Variants in TAS2R1 observed in about 807,000 individuals in gnomAD.
TAS2R1 encodes the protein taste 2 receptor member 1.
For synonymous variants in TAS2R1, 141 were observed against 134.2 expected (o/e 1.05, Z -0.35); for missense variants, 370 against 353.4 (o/e 1.05, Z -0.38).
intron 1 of TAS2R1, among the ~76,000 whole-genome samples, chr5:9,674,899 G>A (rs1740842045): frequency 6.6e-6 from 1 of 151,736 alleles, no homozygotes; most frequent in Non-Finnish European, 1.5e-5. Context: ...ATATGGGCTG[G>A]AAAAGGAAAA....
intron 1 of TAS2R1, among the ~76,000 whole-genome samples, chr5:9,696,876 G>C (rs1288564993): frequency 2.0e-5 from 3 of 152,028 alleles, no homozygotes; most frequent in Non-Finnish European, 4.4e-5. Flanking sequence ...AGCCAGCCGT[G>C]GTGGCACATG....
At chr5:9,758,186 T>C in the TAS2R1 span, among the ~76,000 whole-genome samples, 1 of 152,202 alleles carries the variant, frequency 6.6e-6, no homozygotes, top group Admixed American at 6.5e-5. Flanking sequence ...TACTTAGGTA[T>C]GTATTCATCT....
At chr5:9,827,398 C>T in the TAS2R1 span, among the ~76,000 whole-genome samples, 3 of 152,106 alleles carry the variant, frequency 2.0e-5, no homozygotes, top group Non-Finnish European at 4.4e-5. Context: ...CCATTTTCAT[C>T]CTCTGTGACC....
the TAS2R1 span, among the ~76,000 whole-genome samples, chr5:9,823,877 T>C: frequency 6.6e-6 from 1 of 152,132 alleles, no homozygotes; most frequent in Non-Finnish European, 1.5e-5. Flanking sequence ...AATCAAATGG[T>C]TCAAAGTGCC....
At chr5:9,671,277 G>A (rs988306735) in intron 1 of TAS2R1, among the ~76,000 whole-genome samples, 10 of 152,110 alleles carry the variant, frequency 6.6e-5, no homozygotes, top group Non-Finnish European at 1.5e-5. Context: ...ACACAGTACT[G>A]AAAATTCTAG....
the TAS2R1 span, chr5:9,862,903 C>G: frequency 6.6e-6 from 1 of 152,264 alleles, no homozygotes; most frequent in African/African-American, 2.4e-5. Flanking sequence ...GCATGAGCCA[C>G]TGCGCCCAGC....
the TAS2R1 span, among the ~76,000 whole-genome samples, chr5:9,873,517 A>G: frequency 6.6e-6 from 1 of 151,918 alleles, no homozygotes; most frequent in Non-Finnish European, 1.5e-5. Context: ...CTGTGATAAA[A>G]CCAAAGTATC....
chr5:9,885,729 C>T, the TAS2R1 span, among the ~76,000 whole-genome samples: 1 of 152,030 alleles, frequency 6.6e-6, no homozygotes, highest in East Asian at 1.9e-4. Flanking sequence ...GAACAACGGC[C>T]ACTGAGTCAG....
At chr5:9,679,160 A>C (rs902497706) in intron 1 of TAS2R1, among the ~76,000 whole-genome samples, 4 of 152,226 alleles carry the variant, frequency 2.6e-5, no homozygotes, top group African/African-American at 9.6e-5. Context: ...AAAAGACAAA[A>C]GTATAAGGAT....
Position 9,630,127 on chromosome 5 carries a change from C to T in TAS2R1, c.-95G>A, listed in dbSNP as rs908585271. 1.9e-5 allele frequency: 20 copies of T among 1,051,830 alleles called. No individual in the cohort carries two copies. The Admixed American group carries it at 3.4e-4, about 18-fold the overall frequency. The allele number at this position is 1,051,830 out of a possible 1,614,324, so 65.2% of individuals were successfully genotyped here. A position where few individuals can be genotyped will look rare whatever the true frequency, so the allele number is the denominator to read the frequency against. On this transcript the variant is annotated 5_prime_UTR_variant, in exon 1 of 1. Coordinates refer to ENST00000382492, the MANE Select transcript of TAS2R1 (RefSeq NM_019599.3). ...ACGCTCTTCAATTAGATCAGGACTC[C>T]TCTGGGGAAGAAGACTAACAATAAA... is the stretch of plus-strand genomic sequence containing the variant.
chr5:9,663,258 C>T (rs1740572261), intron 1 of TAS2R1, among the ~76,000 whole-genome samples: 1 of 152,108 alleles, frequency 6.6e-6, no homozygotes, highest in South Asian at 2.1e-4. Flanking sequence ...TACTGAATCA[C>T]TACAATCTCC....
chr5:9,874,527 A>G, the TAS2R1 span, among the ~76,000 whole-genome samples: 1 of 152,210 alleles, frequency 6.6e-6, no homozygotes, highest in Non-Finnish European at 1.5e-5. Context: ...TTTCTGGGTA[A>G]GAGTGGAATC....
the TAS2R1 span, among the ~76,000 whole-genome samples, chr5:9,822,237 T>G: frequency 1.3e-5 from 2 of 152,256 alleles, no homozygotes; most frequent in African/African-American, 4.8e-5. Flanking sequence ...GTCACTGTTC[T>G]GATTCCTTGA....
At chr5:9,899,611 T>C in the TAS2R1 span, among the ~76,000 whole-genome samples, 1 of 145,500 alleles carries the variant, frequency 6.9e-6, no homozygotes, top group African/African-American at 2.5e-5. Flanking sequence ...CACTCCAGCC[T>C]GGGCAACAGA....
chr5:9,862,727 A>G, the TAS2R1 span, among the ~76,000 whole-genome samples: 1 of 151,976 alleles, frequency 6.6e-6, no homozygotes, highest in South Asian at 2.1e-4. Context: ...CCATCCTCCC[A>G]GCTCAGCCTC....
the TAS2R1 span, among the ~76,000 whole-genome samples, chr5:9,783,891 C>A: frequency 6.6e-6 from 1 of 152,274 alleles, no homozygotes; most frequent in Admixed American, 6.5e-5. Flanking sequence ...GTCCAGAGGT[C>A]TTGAAGGTCC....
intron 1 of TAS2R1, among the ~76,000 whole-genome samples, chr5:9,704,366 A>C (rs1358684367): frequency 9.9e-6 from 1 of 101,086 alleles, no homozygotes; most frequent in African/African-American, 2.8e-5. Context: ...CCACTGAGAA[A>C]AAAAAAAAAT....
upstream of TAS2R1, among the ~76,000 whole-genome samples, chr5:9,632,340 G>A (rs1739886660): frequency 6.6e-6 from 1 of 152,212 alleles, no homozygotes; most frequent in Non-Finnish European, 1.5e-5. Flanking sequence ...TAATCTTTTT[G>A]TTGGTGTAGG....
chr5:9,831,322 C>T, the TAS2R1 span, among the ~76,000 whole-genome samples: 1 of 152,036 alleles, frequency 6.6e-6, no homozygotes, highest in Non-Finnish European at 1.5e-5. Flanking sequence ...GTATTATGCA[C>T]ATTTTCCACA....
Sources: gnomAD v4.1 joint callset for allele counts (sites outside exome capture counted in the v4.1 genomes callset) on GRCh38, gnomAD v4.1.1 for gene constraint, MANE v1.5 for transcripts, NCBI Gene and HGNC (gene_info 2026-07-23, HGNC 2026-07-21) for gene names.